Variants in WDR48 observed in about 807,000 individuals in gnomAD.
WDR48 encodes WD repeat-containing protein 48.
A neutral mutation model predicts 94.0 loss-of-function variants in WDR48; 22 were observed. The ratio of observed to expected loss-of-function variants is 0.23; its 90% CI spans 0.17 to 0.33. WDR48 has a LOEUF of 0.33. WDR48 is among the 10% of genes least tolerant of loss of function. WDR48 has a pLI of 1.00. For synonymous variants in WDR48, 278 were observed against 280.5 expected, an observed-to-expected ratio of 0.99 and a Z score of 0.09; for missense variants, 541 against 813.8, an observed-to-expected ratio of 0.66 and a Z score of 4.08.
chr3:39,076,134 T>G lies in WDR48; in HGVS notation c.898-1005T>G, dbSNP rs190554379. 7.9e-5 allele frequency among the ~76,000 whole-genome samples: 12 copies of G among 152,262 alleles called. No individual in the cohort carries two copies. In the East Asian group the frequency reaches 2.1e-3, roughly 27 times the overall value. ...CTAAGTGACATCTGAAACCTCAGAC[T>G]GTTGTGTAGGAGGAAGGGCTGAAAA... On this transcript the variant is annotated intron_variant, in intron 8 of 18. Transcript: ENST00000302313.
At chr3:39,080,703 A>G (rs961206458) in intron 11 of WDR48, among the ~76,000 whole-genome samples, 9 of 152,342 alleles carry the variant, frequency 5.9e-5, no homozygotes, top group African/African-American at 2.2e-4. Flanking sequence ...TAGCTTATGG[A>G]TGAGGGAAGT....
At chr3:39,061,547 C>T (rs1167637633) in intron 1 of WDR48, among the ~76,000 whole-genome samples, 3 of 152,070 alleles carry the variant, frequency 2.0e-5, no homozygotes, top group East Asian at 3.8e-4. Flanking sequence ...GTGAATAGTG[C>T]TGCAATAAAC....
In WDR48 at chr3:39,095,848, G is replaced by A. The variant is rs1294696680; in HGVS notation, c.*1105G>A. 3 of 152,526 alleles carry A rather than the reference G, an allele frequency of 2.0e-5. No individual in the cohort carries two copies. The East Asian group carries it at 5.8e-4, about 29-fold the overall frequency. The allele number at this position is 152,526 out of a possible 1,614,324, so 9.4% of individuals were successfully genotyped here. A position where few individuals can be genotyped will look rare whatever the true frequency, so the allele number is the denominator to read the frequency against. On this transcript the variant is annotated 3_prime_UTR_variant, in exon 19 of 19. Transcript: ENST00000302313. ...ATTGGGGATAAACACTTCAACTTTTGGCAGAAAATACTTTGGATTCTCCCC... is the reference window on the plus strand; with the variant it reads ...ATTGGGGATAAACACTTCAACTTTTAGCAGAAAATACTTTGGATTCTCCCC...
At chr3:39,091,415 T>C in intron 16 of WDR48, 1 of 398,114 alleles carries the variant, frequency 2.5e-6, no homozygotes, top group Non-Finnish European at 4.6e-6. Context: ...CATGCTACAA[T>C]TTCATATTAC....
chr3:39,054,480 C>G (rs1344173774), intron 1 of WDR48, among the ~76,000 whole-genome samples: 2 of 152,202 alleles, frequency 1.3e-5, no homozygotes, highest in Non-Finnish European at 2.9e-5. Flanking sequence ...AACCGCTGTT[C>G]TATACCTCTT....
intron 14 of WDR48, 41 bp downstream of exon 14, chr3:39,085,651 G>T: frequency 6.5e-7 from 1 of 1,526,796 alleles, no homozygotes; most frequent in African/African-American, 1.4e-5. Context: ...AAAGTTAGAG[G>T]TACTTACTTA....
rs1429551443 is a variant in WDR48, at chr3:39,052,059, C to A, written c.34C>A (p.Arg12=). 9.3e-6 allele frequency: 15 copies of A among 1,613,738 alleles called. No individual in the cohort carries two copies. Among genetic ancestry groups the A allele is most frequent in the Non-Finnish European group, 1.3e-5 (15 of 1,179,954 alleles). Residue 12 remains arginine (R), a synonymous_variant, in exon 1 of 19, where the codon CGG becomes AGG. Coordinates refer to ENST00000302313, the MANE Select transcript of WDR48 (RefSeq NM_020839.4). ...CCATCACCGGCAGAACACAGCAGGG[C>A]GGAGGAAAGTGCAGGTATGGAAGCC... ...AAHHRQNTAG[R]RKVQVSYVIR...
At position 39,078,453 on chromosome 3, in the gene WDR48, C is replaced by G. The variant is rs929723919; in HGVS notation, c.1075+214C>G. 1.9e-4 allele frequency among the ~76,000 whole-genome samples: 29 copies of G among 151,840 alleles called. 1 individual carries two copies. The highest frequency in any genetic ancestry group is 3.2e-3 in the Middle Eastern group (1 of 316). On this transcript the variant is annotated intron_variant, in intron 10 of 18. Transcript: ENST00000302313. ...TGTTTTTTTGAGATGGAGTGTTGCT[C>G]TGTCACCCAGGCTGGACTGCAGTGA...
At chr3:39,094,113 C>T (rs1304579166) in intron 18 of WDR48, 47 bp downstream of exon 18, 4 of 1,574,600 alleles carry the variant, frequency 2.5e-6, no homozygotes, top group Non-Finnish European at 3.4e-6. Context: ...AGTGCTGGTG[C>T]TCATAAAGAG....
intron 1 of WDR48, 158 bp downstream of exon 1, chr3:39,052,231 G>A: frequency 1.2e-6 from 1 of 834,704 alleles, no homozygotes; most frequent in South Asian, 1.8e-5. Flanking sequence ...CGGCGCTAAC[G>A]GCTTGAGGAA....
At position 39,094,899 on chromosome 3, in the gene WDR48, A is replaced by G. The variant is rs941604969; in HGVS notation, c.*156A>G. The G allele has an allele frequency of 6.7e-5, 67 of 994,320 alleles. No homozygotes were observed. The highest frequency in any genetic ancestry group is 3.3e-4 in the Middle Eastern group (1 of 3,068). 61.6% of individuals were successfully genotyped at this position (994,320 alleles called of 1,614,324 possible). ...CTTTCAATTGAAGTGACTAATCGAG[A>G]TGTAATATAGAAACCAGTCTCCATG... On this transcript the variant is annotated 3_prime_UTR_variant, in exon 19 of 19. Transcript: ENST00000302313.
At chr3:39,068,644 G>A (rs2125650914) in intron 5 of WDR48, 127 bp from the exon 6 acceptor site, 2 of 599,378 alleles carry the variant, frequency 3.3e-6, no homozygotes, top group East Asian at 5.2e-5. Flanking sequence ...ATTATAGGTA[G>A]ATTTCTTTTC....
intron 6 of WDR48, 37 bp downstream of exon 6, chr3:39,068,896 AT>A: frequency 7.0e-7 from 1 of 1,434,610 alleles, no homozygotes; most frequent in Non-Finnish European, 9.5e-7. Flanking sequence ...AAAAAAAAAA[AT>A]TATTTTTCAC....
At position 39,063,044 on chromosome 3, in the gene WDR48, T is replaced by C; in HGVS notation, c.49-6T>C. On this transcript the variant is annotated splice_region_variant and splice_polypyrimidine_tract_variant and intron_variant, in intron 1 of 18. Transcript: ENST00000302313. ...TATAAAAAGCATATGTTGACACATT[T>C]GTCAGGTTTCCTATGTTATTCGAGA... 6.2e-7 allele frequency: 1 copy of C among 1,614,012 alleles called. No homozygotes were observed. The highest frequency in any genetic ancestry group is 1.3e-5 in the African/African-American group (1 of 75,052).
Position 39,084,753 on chromosome 3 carries a change from T to C in WDR48, c.1378+12T>C, listed in dbSNP as rs992903377. 6.2e-7 allele frequency: 1 copy of C among 1,608,582 alleles called. No individual in the cohort carries two copies. Among genetic ancestry groups the C allele is most frequent in the Non-Finnish European group, 8.5e-7 (1 of 1,176,984 alleles). Reference sequence around the variant, plus strand: ...GTCAGATCCAAAATGTGAGTTTAAGTGTCCTTCATTTTTTTCCTCCCTTCT... The same window carrying C: ...GTCAGATCCAAAATGTGAGTTTAAGCGTCCTTCATTTTTTTCCTCCCTTCT... On this transcript the variant is annotated intron_variant, in intron 13 of 18. Transcript: ENST00000302313.
Position 39,089,231 on chromosome 3 carries a change from G to A in WDR48, c.1581G>A (p.Arg527=). 1 of 1,611,254 alleles carries A rather than the reference G, an allele frequency of 6.2e-7. No individual in the cohort carries two copies. Among genetic ancestry groups the A allele is most frequent in the Non-Finnish European group, 8.5e-7 (1 of 1,178,704 alleles). The change falls in exon 16 of 19, where the codon AGG becomes AGA. Residue 527 remains arginine, a splice_region_variant and synonymous_variant. Coordinates refer to ENST00000302313, the MANE Select transcript of WDR48 (RefSeq NM_020839.4). ...FGEAGGRTLF[R]LLCRDSGGET... is the part of the protein sequence containing the mutation. ...TTACTACTTGATGGTTTATGTTTAG[G>A]CTGCTCTGCCGAGATTCCGGGGGTG...
rs200830628 is a variant in WDR48 at position 39,066,639 on chromosome 3, A to G, written c.351+9A>G. The G allele has an allele frequency of 2.5e-5, 40 of 1,613,768 alleles. No homozygotes were observed. Among genetic ancestry groups the G allele is most frequent in the Non-Finnish European group, 2.2e-5 (26 of 1,179,788 alleles). ...CATTAAGGACACATAAGGTAAAACAATACAGTTCTCAGTGTCTTTAGTGTA... is the reference window on the plus strand; with the variant it reads ...CATTAAGGACACATAAGGTAAAACAGTACAGTTCTCAGTGTCTTTAGTGTA... On this transcript the variant is annotated intron_variant, in intron 4 of 18. Coordinates refer to ENST00000302313, the MANE Select transcript of WDR48 (RefSeq NM_020839.4).
chr3:39,052,887 G>A (rs1293647099), intron 1 of WDR48, among the ~76,000 whole-genome samples: 1 of 152,158 alleles, frequency 6.6e-6, no homozygotes, highest in Non-Finnish European at 1.5e-5. Context: ...GGGGGCGCTA[G>A]GGGAGGGATA....
chr3:39,062,953 CAT>C, intron 1 of WDR48, 95 bp from the exon 2 acceptor site: 1 of 1,451,214 alleles, frequency 6.9e-7, no homozygotes, highest in Non-Finnish European at 9.3e-7. Flanking sequence ...TATTGGAAAA[CAT>C]GGGATTTTCT....
Sources: allele counts gnomAD v4.1 joint callset (sites outside exome capture counted in the v4.1 genomes callset), GRCh38; gene constraint gnomAD v4.1.1; transcripts MANE v1.5; gene names NCBI Gene and HGNC (gene_info 2026-07-23, HGNC 2026-07-21).